The following NRG3 variants were observed in gnomAD, a reference collection of about 807,000 sequenced individuals.
The protein encoded by NRG3 is neuregulin 3, also known as pro-neuregulin-3, membrane-bound isoform.
A neutral mutation model predicts 66.9 loss-of-function variants in NRG3; 31 were observed. The ratio of observed to expected loss-of-function variants is 0.46; its 90% CI spans 0.35 to 0.63. NRG3 has a LOEUF of 0.63. NRG3 is among the 20% of genes least tolerant of loss of function. NRG3 has a pLI of 0.00. For missense variants in NRG3, 910 were observed against 878.9 expected (o/e 1.04, Z -0.45); for synonymous variants, 393 against 359.4 (o/e 1.09, Z -1.06).
intron 1 of NRG3, among the ~76,000 whole-genome samples, chr10:81,936,751 G>T (rs1847911892): frequency 1.3e-5 from 2 of 152,102 alleles, no homozygotes; most frequent in Admixed American, 6.6e-5. Context: ...ATGGTGATTA[G>T]TGCTTTACCC....
At chr10:81,969,249 C>T (rs2059839719) in intron 1 of NRG3, among the ~76,000 whole-genome samples, 1 of 151,982 alleles carries the variant, frequency 6.6e-6, no homozygotes, top group African/African-American at 2.4e-5. Context: ...CTTTTGGAGG[C>T]CTGAAACATA....
intron 1 of NRG3, among the ~76,000 whole-genome samples, chr10:82,137,434 C>T (rs1044855358): frequency 2.6e-5 from 4 of 152,178 alleles, no homozygotes; most frequent in Non-Finnish European, 5.9e-5. Context: ...AATGGAAACA[C>T]AGCTCCAGCT....
chr10:82,804,160 A>G (rs2061174998), intron 3 of NRG3, among the ~76,000 whole-genome samples: 1 of 152,192 alleles, frequency 6.6e-6, no homozygotes, highest in Non-Finnish European at 1.5e-5. Flanking sequence ...TGATGCTGTC[A>G]ATTTGCACCC....
chr10:82,233,958 T>C (rs762084254), intron 1 of NRG3, among the ~76,000 whole-genome samples: 1 of 152,114 alleles, frequency 6.6e-6, no homozygotes, highest in Non-Finnish European at 1.5e-5. Context: ...CGCTTTCATC[T>C]TACCCCTTTT....
intron 2 of NRG3, among the ~76,000 whole-genome samples, chr10:82,636,576 T>G (rs2050211670): frequency 6.6e-6 from 1 of 152,220 alleles, no homozygotes; most frequent in Admixed American, 6.5e-5. Flanking sequence ...GTTATCCATG[T>G]TGCAGCAAAT....
chr10:82,543,374 C>T (rs2043676104), intron 2 of NRG3, among the ~76,000 whole-genome samples: 1 of 151,896 alleles, frequency 6.6e-6, no homozygotes, highest in Non-Finnish European at 1.5e-5. Context: ...TCAAATGATT[C>T]AGGAAAAAAA....
chr10:82,445,464 C>A (rs1373858729), intron 2 of NRG3, among the ~76,000 whole-genome samples: 1 of 152,152 alleles, frequency 6.6e-6, no homozygotes, highest in Non-Finnish European at 1.5e-5. Flanking sequence ...CTAGGTTCAT[C>A]TAGAGAAGGA....
chr10:81,989,879 G>A (rs2060670220), intron 1 of NRG3, among the ~76,000 whole-genome samples: 1 of 151,894 alleles, frequency 6.6e-6, no homozygotes, highest in East Asian at 1.9e-4. Flanking sequence ...GACAGGAAAT[G>A]AAAAAATGGA....
intron 1 of NRG3, among the ~76,000 whole-genome samples, chr10:82,096,424 C>T (rs150633960): frequency 0.027 from 4,164 of 151,836 alleles, 197 homozygotes; most frequent in African/African-American, 0.096. Flanking sequence ...TGCAGTGAGC[C>T]GAGATTGCAC....
intron 3 of NRG3, among the ~76,000 whole-genome samples, chr10:82,796,816 G>A (rs2060819599): frequency 1.3e-5 from 2 of 151,810 alleles, no homozygotes; most frequent in South Asian, 4.2e-4. Context: ...GAGGAATAGG[G>A]GTAAAAATAA....
At position 82,004,186 on chromosome 10, in the gene NRG3, T is replaced by C. The variant is rs545153711; in HGVS notation, c.823+128023T>C. On this transcript the variant is annotated intron_variant, in intron 1 of 8. Coordinates refer to ENST00000372141, the MANE Select transcript of NRG3 (RefSeq NM_001010848.4). ...CCATGTGGTAAAGGTAAGAATTTTA[T>C]TTTTGTGGACTATATTATTATGAAG... Among the ~76,000 whole-genome samples the C allele has an allele frequency of 9.0e-4, 137 of 152,256 alleles. 1 individual carries two copies. In the South Asian group the frequency reaches 0.019, roughly 21 times the overall value.
chr10:81,985,409 G>A lies in NRG3; in HGVS notation c.823+109246G>A, dbSNP rs184684671. On this transcript the variant is annotated intron_variant, in intron 1 of 8. Transcript: ENST00000372141. The stretch of plus-strand genomic sequence containing the variant: ...CTTCAGAGATGTTCACTGGATGGTG[G>A]TGTTCTTATTTTTCAACTCCAAACT... 2.2e-3 allele frequency among the ~76,000 whole-genome samples: 329 copies of A among 152,312 alleles called. 1 individual carries two copies. Among genetic ancestry groups the A allele is most frequent in the Middle Eastern group, 0.01 (3 of 294 alleles).
intron 1 of NRG3, among the ~76,000 whole-genome samples, chr10:82,264,601 G>C (rs1285172780): frequency 6.6e-6 from 1 of 152,180 alleles, no homozygotes; most frequent in Non-Finnish European, 1.5e-5. Flanking sequence ...GTAAAGGGAA[G>C]AATGACTGAA....
intron 4 of NRG3, among the ~76,000 whole-genome samples, chr10:82,943,020 A>G (rs1186795281): frequency 1.3e-5 from 2 of 152,186 alleles, no homozygotes; most frequent in Non-Finnish European, 2.9e-5. Flanking sequence ...CAGTTTCTGG[A>G]CACAGACTTC....
rs796066502 is a variant in NRG3, at chr10:82,787,203, C to T, written c.1027+48553C>T. On this transcript the variant is annotated intron_variant, in intron 3 of 8. Coordinates refer to ENST00000372141, the MANE Select transcript of NRG3 (RefSeq NM_001010848.4). ...CTTACACTCAAAACTAGGTGATGCC[C>T]TACTGATTTTACAGCCTCCTTTACT... Among the ~76,000 whole-genome samples, 4 of 152,284 alleles carry T rather than the reference C, an allele frequency of 2.6e-5. No homozygotes were observed. The South Asian group carries it at 8.3e-4, about 32-fold the overall frequency.
intron 3 of NRG3, among the ~76,000 whole-genome samples, chr10:82,747,510 T>C (rs1169328266): frequency 6.6e-6 from 1 of 152,112 alleles, no homozygotes. Context: ...CAACACTGGA[T>C]AGTATTAATT....
intron 2 of NRG3, among the ~76,000 whole-genome samples, chr10:82,372,373 A>T (rs949336783): frequency 6.6e-6 from 1 of 152,222 alleles, no homozygotes; most frequent in Non-Finnish European, 1.5e-5. Flanking sequence ...GAAGATGATG[A>T]CATTTTTAAT....
intron 8 of NRG3, among the ~76,000 whole-genome samples, chr10:82,983,308 A>T (rs1180237850): frequency 6.6e-6 from 1 of 152,200 alleles, no homozygotes; most frequent in African/African-American, 2.4e-5. Context: ...CTTCTTGTTG[A>T]AATTGATTTA....
At chr10:82,782,959 A>G (rs892780854) in intron 3 of NRG3, among the ~76,000 whole-genome samples, 4 of 152,368 alleles carry the variant, frequency 2.6e-5, no homozygotes, top group South Asian at 2.1e-4. Flanking sequence ...AAAATCCTCA[A>G]TGAAATACTG....
Sources: gnomAD v4.1 joint callset for allele counts (sites outside exome capture counted in the v4.1 genomes callset) on GRCh38, gnomAD v4.1.1 for gene constraint, MANE v1.5 for transcripts, NCBI Gene and HGNC (gene_info 2026-07-23, HGNC 2026-07-21) for gene names.